Variants in PCDHGB5 observed in about 807,000 individuals in gnomAD.
The protein encoded by PCDHGB5 is protocadherin gamma-B5.
PCDHGB5 carries 48 observed loss-of-function variants against 62.9 expected under a neutral mutation model. That is an observed-to-expected ratio of 0.76 (90% CI 0.61 to 0.97). PCDHGB5 has a LOEUF of 0.97. Among genes scored for constraint, PCDHGB5 ranks in the 50% least tolerant of loss-of-function variants. The pLI is 0.00. For missense variants in PCDHGB5, 1,118 were observed against 1,198.6 expected, an observed-to-expected ratio of 0.93 and a Z score of 0.99; for synonymous variants, 474 against 511.2, an observed-to-expected ratio of 0.93 and a Z score of 0.98.
intron 2 of PCDHGB5, among the ~76,000 whole-genome samples, chr5:141,501,092 C>A: frequency 6.6e-6 from 1 of 152,118 alleles, no homozygotes; most frequent in East Asian, 1.9e-4. Flanking sequence ...TGGTCTCAAT[C>A]TCTTGACCTC....
At chr5:141,435,430 T>C (rs576681937) in intron 1 of PCDHGB5, among the ~76,000 whole-genome samples, 115 of 152,334 alleles carry the variant, frequency 7.5e-4, no homozygotes, top group African/African-American at 2.6e-3. Flanking sequence ...ACTTCTGTTA[T>C]GCATTTCATT....
chr5:141,448,784 C>CA (rs576464275), intron 1 of PCDHGB5, among the ~76,000 whole-genome samples: 7,532 of 145,718 alleles, frequency 0.052, 302 homozygotes, highest in African/African-American at 0.11. Flanking sequence ...ACTAAAAATA[C>CA]AAAAAAAAAA....
At chr5:141,404,532 A>G in intron 1 of PCDHGB5, 1 of 1,613,918 alleles carries the variant, frequency 6.2e-7, no homozygotes, top group Non-Finnish European at 8.5e-7. Context: ...CAGTTTAGAG[A>G]TTTGCAAATG....
At chr5:141,408,329 A>C (rs2095085203) in intron 1 of PCDHGB5, 1 of 1,613,580 alleles carries the variant, frequency 6.2e-7, no homozygotes, top group Non-Finnish European at 8.5e-7. Context: ...GGAGCTGGCC[A>C]AGGGCTCGGT....
chr5:141,425,585 A>T (rs1270579511), intron 1 of PCDHGB5, among the ~76,000 whole-genome samples: 1 of 152,252 alleles, frequency 6.6e-6, no homozygotes, highest in Non-Finnish European at 1.5e-5. Context: ...GGCTAACTTT[A>T]TTCTGAATAT....
intron 3 of PCDHGB5, among the ~76,000 whole-genome samples, chr5:141,509,518 T>A (rs1441963133): frequency 6.6e-6 from 1 of 152,170 alleles, no homozygotes; most frequent in Non-Finnish European, 1.5e-5. Context: ...GTTGATGATG[T>A]ATTGCACAGG....
In PCDHGB5 at chr5:141,476,229, C is replaced by T; in HGVS notation, c.2398-18578C>T. ...TCCACGGTCATTCACTATGAGATCC[C>T]GGAGGAAAGAGAGAAGGGTTTCGCT... On this transcript the variant is annotated intron_variant, in intron 1 of 3. Coordinates refer to ENST00000617380, the MANE Select transcript of PCDHGB5 (RefSeq NM_018925.3). The surrounding 1 kb of genome is among the most constrained non-coding windows in gnomAD (Gnocchi z 7.6). 1 of 1,613,872 alleles carries T rather than the reference C, an allele frequency of 6.2e-7. No individual in the cohort carries two copies. The highest frequency in any genetic ancestry group is 2.2e-5 in the East Asian group (1 of 44,822).
chr5:141,503,506 G>A (rs2099820313), intron 2 of PCDHGB5, among the ~76,000 whole-genome samples: 1 of 151,616 alleles, frequency 6.6e-6, no homozygotes, highest in African/African-American at 2.4e-5. Context: ...GGCTGAGGCA[G>A]GAGAATCACT....
intron 1 of PCDHGB5, chr5:141,419,448 TC>T: frequency 6.2e-7 from 1 of 1,612,980 alleles, no homozygotes; most frequent in Non-Finnish European, 8.5e-7. Context: ...ACCTTCGAGC[TC>T]ACGCTGCAGG....
chr5:141,507,097 A>G (rs1343795018), intron 3 of PCDHGB5: 1 of 152,082 alleles, frequency 6.6e-6, no homozygotes, highest in African/African-American at 2.4e-5. Flanking sequence ...TGCTCTTTCT[A>G]CTATAGGGAC....
Position 141,419,336 on chromosome 5 carries a change from G to A in PCDHGB5, c.2397+18812G>A, listed in dbSNP as rs762064534. 6.8e-6 allele frequency: 11 copies of A among 1,613,772 alleles called. No individual in the cohort carries two copies. In the African/African-American group the frequency reaches 1.3e-4, roughly 20 times the overall value. ...CGGCCGTGTCTCCTACTCTCTCATT[G>A]CCAGCGACCTGGAGTCACGAACGCT... On this transcript the variant is annotated intron_variant, in intron 1 of 3. Coordinates refer to ENST00000617380, the MANE Select transcript of PCDHGB5 (RefSeq NM_018925.3).
At position 141,494,820 on chromosome 5, in the gene PCDHGB5, A is replaced by G; in HGVS notation, c.2411A>G (p.Asn804Ser). ...TTTTCTCCACAGCAAGCCCCGCCCA[A>G]CACGGACTGGCGTTTCTCTCAGGCC... ...TSHPELQAPP[N>S]TDWRFSQAQR... Residue 804 changes from asparagine to serine, a missense_variant, in exon 2 of 4, where the codon AAC becomes AGC. By Grantham distance (46) the Asn-to-Ser change is conservative. Around this residue, in one of 2 missense-constraint regions of PCDHGB5, gnomAD observed 1,034 missense variants for 1,029.1 expected, o/e 1.00. Transcript: ENST00000617380. 1.2e-6 allele frequency: 2 copies of G among 1,613,988 alleles called. No individual in the cohort carries two copies. Among genetic ancestry groups the G allele is most frequent in the Middle Eastern group, 1.6e-4 (1 of 6,062 alleles).
chr5:141,463,438 CTTTTTTTTTTT>C (rs71576115), intron 1 of PCDHGB5, among the ~76,000 whole-genome samples: 7 of 103,256 alleles, frequency 6.8e-5, no homozygotes, highest in African/African-American at 1.8e-4. Flanking sequence ...TTTCCTTCTC[CTTTTTTTTTTT>C]TTTTTTTTTT....
intron 1 of PCDHGB5, among the ~76,000 whole-genome samples, chr5:141,492,206 G>T (rs1180294159): frequency 6.6e-6 from 1 of 152,204 alleles, no homozygotes; most frequent in African/African-American, 2.4e-5. Context: ...TTAGGTGTGC[G>T]CGCGGGGCTC....
At position 141,489,335 on chromosome 5, in the gene PCDHGB5, G is replaced by C. The variant is rs138015049; in HGVS notation, c.2398-5472G>C. 1.4e-5 allele frequency: 22 copies of C among 1,607,364 alleles called. No individual in the cohort carries two copies. Among genetic ancestry groups the C allele is most frequent in the Non-Finnish European group, 1.9e-5 (22 of 1,175,842 alleles). The stretch of plus-strand genomic sequence containing the variant: ...TGGGGCTGGGTGTCTGGGCAGCTTC[G>C]TTACTCAGTGGTGGAGGAGTCTGAG... On this transcript the variant is annotated intron_variant, in intron 1 of 3. Transcript: ENST00000617380. This position sits in a 1 kb window ranked among gnomAD's most constrained non-coding sequence, Gnocchi z 4.5.
intron 1 of PCDHGB5, among the ~76,000 whole-genome samples, chr5:141,443,781 C>CA (rs1227271563): frequency 8.6e-5 from 13 of 150,636 alleles, no homozygotes; most frequent in South Asian, 2.1e-4. Flanking sequence ...ACCAAAAAGA[C>CA]AAAAAAAATG....
chr5:141,451,443 C>A (rs1184838490), intron 1 of PCDHGB5, among the ~76,000 whole-genome samples: 1 of 152,176 alleles, frequency 6.6e-6, no homozygotes, highest in Non-Finnish European at 1.5e-5. Context: ...CAGTTCCTTG[C>A]TGGTTGTTAG....
intron 1 of PCDHGB5, among the ~76,000 whole-genome samples, chr5:141,462,941 G>A (rs1667222225): frequency 6.6e-6 from 1 of 152,158 alleles, no homozygotes; most frequent in Non-Finnish European, 1.5e-5. Flanking sequence ...TTCAAGGCTT[G>A]TTTTTAAGCT....
intron 1 of PCDHGB5, chr5:141,408,389 G>T: frequency 6.2e-7 from 1 of 1,614,032 alleles, no homozygotes; most frequent in Non-Finnish European, 8.5e-7. Flanking sequence ...GGATGTGTCG[G>T]CTCGCAAGCT....
Sources: gnomAD v4.1 joint callset for allele counts (sites outside exome capture counted in the v4.1 genomes callset) on GRCh38, gnomAD v4.1.1 for gene constraint, gnomAD v4.1.1 regional missense constraint, Gnocchi (gnomAD v3.1) non-coding constraint, MANE v1.5 for transcripts, NCBI Gene and HGNC (gene_info 2026-07-23, HGNC 2026-07-21) for gene names.